UBE2V1: variants seen among roughly 807,000 people sequenced by gnomAD.
UBE2V1 encodes ubiquitin conjugating enzyme E2 V1.
A neutral mutation model predicts 19.6 loss-of-function variants in UBE2V1; 15 were observed. That is an observed-to-expected ratio of 0.77 (90% CI 0.51 to 1.18). The LOEUF (loss-of-function observed/expected upper bound fraction) is 1.18, where lower values mean the gene tolerates loss of function less well. Ranked by LOEUF, UBE2V1 falls within the 50% of genes most tolerant of loss-of-function variation. UBE2V1 has a pLI of 0.00. For synonymous variants in UBE2V1, 60 were observed against 60.7 expected (o/e 0.99, Z 0.05); for missense variants, 125 against 184.8 (o/e 0.68, Z 1.88).
chr20:50,103,667 A>G (rs1207867325), intron 1 of UBE2V1, among the ~76,000 whole-genome samples: 1 of 152,108 alleles, frequency 6.6e-6, no homozygotes, highest in Non-Finnish European at 1.5e-5. Flanking sequence ...TGGCCTCCCA[A>G]GGTGCTGGGA....
At chr20:50,106,874 C>CAAAAAAAA (rs57532245) in intron 1 of UBE2V1, among the ~76,000 whole-genome samples, 6 of 124,664 alleles carry the variant, frequency 4.8e-5, no homozygotes, top group African/African-American at 1.9e-4. Flanking sequence ...ACAACAACAA[C>CAAAAAAAA]AAAAAAAAAA....
intron 1 of UBE2V1, among the ~76,000 whole-genome samples, chr20:50,106,323 G>C (rs115560766): frequency 2.2e-3 from 331 of 152,292 alleles, no homozygotes; most frequent in African/African-American, 7.6e-3. Context: ...TGGCAACCAG[G>C]TTGAAAAAGC....
intron 1 of UBE2V1, among the ~76,000 whole-genome samples, chr20:50,102,376 AAAAC>A (rs1265843286): frequency 6.6e-6 from 1 of 152,230 alleles, no homozygotes; most frequent in Non-Finnish European, 1.5e-5. Flanking sequence ...CATTTTCTAA[AAAAC>A]AAACACAAAA....
At position 50,082,678 on chromosome 20, in the gene UBE2V1, A is replaced by G; in HGVS notation, c.*90T>C. 4.5e-6 allele frequency: 7 copies of G among 1,547,986 alleles called. No individual in the cohort carries two copies. Among genetic ancestry groups the G allele is most frequent in the Non-Finnish European group, 6.0e-6 (7 of 1,157,182 alleles). ...TTTCCGGTACTTTGAGGTCTACAAG[A>G]CGTATCTAGAAAATTTACTACTGTG... is the stretch of plus-strand genomic sequence containing the variant. On this transcript the variant is annotated 3_prime_UTR_variant, in exon 4 of 4. Coordinates refer to ENST00000371674, the MANE Select transcript of UBE2V1 (RefSeq NM_001032288.3).
chr20:50,112,955 C>T lies in UBE2V1; in HGVS notation c.22+152G>A, dbSNP rs564874918. ...TTCCGGCCACCGCCTGCTCCTCCTC[C>T]CCCGGTCAGGCCGCGCCGGTGGCTG... On this transcript the variant is annotated intron_variant, in intron 1 of 3. Coordinates refer to ENST00000371674, the MANE Select transcript of UBE2V1 (RefSeq NM_001032288.3). 2.1e-4 allele frequency: 80 copies of T among 385,204 alleles called. 2 individuals are homozygous for T. The South Asian group carries it at 9.5e-3, about 46-fold the overall frequency. The allele number at this position is 385,204 out of a possible 1,614,324, so 23.9% of individuals were successfully genotyped here.
chr20:50,112,772 C>G (rs1315079069), intron 1 of UBE2V1, among the ~76,000 whole-genome samples: 1 of 152,220 alleles, frequency 6.6e-6, no homozygotes. Context: ...TAGATCGCCC[C>G]TTAAGAGTCG....
intron 1 of UBE2V1, among the ~76,000 whole-genome samples, chr20:50,106,431 G>C (rs1166072060): frequency 6.6e-6 from 1 of 152,176 alleles, no homozygotes; most frequent in African/African-American, 2.4e-5. Flanking sequence ...GGTACAAAAA[G>C]GATTCTGAAG....
At chr20:50,106,874 C>CAACA (rs530425666) in intron 1 of UBE2V1, among the ~76,000 whole-genome samples, 43 of 124,692 alleles carry the variant, frequency 3.4e-4, no homozygotes, top group African/African-American at 4.7e-4. Flanking sequence ...ACAACAACAA[C>CAACA]AAAAAAAAAA....
At chr20:50,106,862 CAACAACAACAACAA>C (rs1218355995) in intron 1 of UBE2V1, among the ~76,000 whole-genome samples, 4 of 89,396 alleles carry the variant, frequency 4.5e-5, no homozygotes, top group Admixed American at 1.3e-4. Flanking sequence ...ACAACAACAA[CAACAACAACAACAA>C]AAAAAAAAAA....
intron 1 of UBE2V1, among the ~76,000 whole-genome samples, chr20:50,106,909 G>A (rs2080424655): frequency 6.7e-6 from 1 of 149,518 alleles, no homozygotes; most frequent in Non-Finnish European, 1.5e-5. Flanking sequence ...TAGAACCTCA[G>A]AGGTTTCTCC....
intron 2 of UBE2V1, among the ~76,000 whole-genome samples, chr20:50,091,410 CTT>C (rs11482128): frequency 1.2e-4 from 13 of 112,300 alleles, no homozygotes; most frequent in Middle Eastern, 5.1e-3. Context: ...TAACTTAAGG[CTT>C]TTTTTTTTTT....
At chr20:50,093,379 G>C (rs1451012799) in intron 2 of UBE2V1, among the ~76,000 whole-genome samples, 1 of 152,202 alleles carries the variant, frequency 6.6e-6, no homozygotes, top group Non-Finnish European at 1.5e-5. Flanking sequence ...TAATTATGTG[G>C]ATATTCGAGT....
intron 1 of UBE2V1, among the ~76,000 whole-genome samples, chr20:50,106,786 G>A (rs757481308): frequency 4.7e-5 from 7 of 150,186 alleles, no homozygotes; most frequent in Non-Finnish European, 8.9e-5. Flanking sequence ...GGTGAGCCAA[G>A]ATAGCACCAT....
chr20:50,112,092 C>T (rs1052663642), intron 1 of UBE2V1, among the ~76,000 whole-genome samples: 2 of 152,162 alleles, frequency 1.3e-5, no homozygotes, highest in Non-Finnish European at 2.9e-5. Context: ...TTAAAGGAGT[C>T]GATGAGAGTG....
intron 2 of UBE2V1, among the ~76,000 whole-genome samples, chr20:50,094,705 G>A (rs2079520821): frequency 6.8e-6 from 1 of 147,236 alleles, no homozygotes; most frequent in African/African-American, 2.5e-5. Context: ...GTAGACTGAT[G>A]ATTGTCAAAG....
At chr20:50,115,745 C>A, upstream of UBE2V1, 1 of 724,290 alleles carries the variant, frequency 1.4e-6, no homozygotes, top group Non-Finnish European at 1.9e-6. Flanking sequence ...GATGCAGCAA[C>A]TCCTGTGAAT....
intron 3 of UBE2V1, 47 bp downstream of exon 3, chr20:50,084,082 G>A: frequency 6.5e-7 from 1 of 1,534,674 alleles, no homozygotes; most frequent in Non-Finnish European, 8.7e-7. Context: ...TAAGTACAAA[G>A]CAACTGTCAA....
chr20:50,087,842 C>T (rs1160495881), intron 2 of UBE2V1, among the ~76,000 whole-genome samples: 1 of 152,088 alleles, frequency 6.6e-6, no homozygotes, highest in Admixed American at 6.6e-5. Context: ...GACTTCGTAG[C>T]CTTCTCAAAG....
At chr20:50,104,373 C>A (rs1208941546) in intron 1 of UBE2V1, 2 of 982,752 alleles carry the variant, frequency 2.0e-6, no homozygotes, top group Non-Finnish European at 2.4e-6. Context: ...AATTAACATA[C>A]CTGGCTGGGC....
Sources: gnomAD v4.1 joint callset for allele counts (sites outside exome capture counted in the v4.1 genomes callset) on GRCh38, gnomAD v4.1.1 for gene constraint, MANE v1.5 for transcripts, NCBI Gene and HGNC (gene_info 2026-07-23, HGNC 2026-07-21) for gene names.